The following ABTB3 variants were observed in gnomAD, a reference collection of about 807,000 sequenced individuals.
The protein encoded by ABTB3 is ankyrin repeat- and BTB/POZ domain-containing protein 3.
the ABTB3 span, chr12:107,319,520 G>T: frequency 1.3e-6 from 2 of 1,569,052 alleles, no homozygotes; most frequent in Non-Finnish European, 8.6e-7. Flanking sequence ...CATGAGCAGC[G>T]CCGGCGGCGA....
chr12:107,407,437 A>G, the ABTB3 span, among the ~76,000 whole-genome samples: 1 of 152,202 alleles, frequency 6.6e-6, no homozygotes, highest in South Asian at 2.1e-4. Context: ...AGATCCAAGA[A>G]GGCTTGGCCC....
the ABTB3 span, among the ~76,000 whole-genome samples, chr12:107,389,834 ATGTGTGTGTGTTTGTG>A: frequency 8.8e-5 from 9 of 101,968 alleles, no homozygotes; most frequent in African/African-American, 2.6e-4. Flanking sequence ...ATGCTGGGGC[ATGTGTGTGTGTTTGTG>A]TGTGTGTGTG....
the ABTB3 span, among the ~76,000 whole-genome samples, chr12:107,553,937 T>TGAGA: frequency 9.3e-5 from 14 of 151,126 alleles, no homozygotes; most frequent in East Asian, 1.6e-3. Flanking sequence ...AAGACTGTCT[T>TGAGA]GAGAGAGAGA....
chr12:107,651,898 T>C, the ABTB3 span: 2 of 884,724 alleles, frequency 2.3e-6, no homozygotes, highest in Non-Finnish European at 3.6e-6. Context: ...GCCAGTTCTC[T>C]CAGGGCTAAG....
chr12:107,428,048 G>GC, the ABTB3 span, among the ~76,000 whole-genome samples: 88 of 152,246 alleles, frequency 5.8e-4, no homozygotes, highest in Non-Finnish European at 1.2e-3. Context: ...GTCCAGCCCT[G>GC]CCAAGCCACT....
At chr12:107,464,206 AGTGTGTGTGTGTGT>A in the ABTB3 span, among the ~76,000 whole-genome samples, 3,275 of 133,556 alleles carry the variant, frequency 0.025, 72 homozygotes, top group East Asian at 0.062. Flanking sequence ...ACATGTGAAG[AGTGTGTGTGTGTGT>A]GTGTGTGTGT....
the ABTB3 span, among the ~76,000 whole-genome samples, chr12:107,568,627 C>T: frequency 6.6e-6 from 1 of 152,186 alleles, no homozygotes; most frequent in Non-Finnish European, 1.5e-5. Flanking sequence ...CTGGACAGCA[C>T]AGATACAGAA....
the ABTB3 span, among the ~76,000 whole-genome samples, chr12:107,656,936 T>C: frequency 6.6e-6 from 1 of 152,036 alleles, no homozygotes; most frequent in African/African-American, 2.4e-5. Context: ...ACGCCCGCCT[T>C]GGTGGCTGAG....
the ABTB3 span, among the ~76,000 whole-genome samples, chr12:107,556,853 A>G: frequency 6.6e-6 from 1 of 152,050 alleles, no homozygotes; most frequent in Non-Finnish European, 1.5e-5. Context: ...CTCTACTAAA[A>G]ATACAAAAAT....
chr12:107,320,022 T>TCCC, the ABTB3 span: 1 of 1,557,624 alleles, frequency 6.4e-7, no homozygotes, highest in Non-Finnish European at 8.7e-7. Context: ...GACTCGGAGA[T>TCCC]CTGGGGTCTC....
chr12:107,527,189 A>G, the ABTB3 span, among the ~76,000 whole-genome samples: 1 of 151,018 alleles, frequency 6.6e-6, no homozygotes, highest in Admixed American at 6.6e-5. Context: ...ACTTGTTACC[A>G]CCTGACATGC....
chr12:107,574,983 C>T, the ABTB3 span, among the ~76,000 whole-genome samples: 3 of 152,200 alleles, frequency 2.0e-5, no homozygotes, highest in Non-Finnish European at 2.9e-5. Context: ...ACCATCTTCC[C>T]GGCTTTGGTG....
the ABTB3 span, among the ~76,000 whole-genome samples, chr12:107,343,283 G>A: frequency 1.3e-5 from 2 of 152,106 alleles, no homozygotes; most frequent in African/African-American, 2.4e-5. Flanking sequence ...TAAAGTGTTG[G>A]GATTACAGAC....
At chr12:107,531,840 C>A in the ABTB3 span, among the ~76,000 whole-genome samples, 2 of 152,126 alleles carry the variant, frequency 1.3e-5, no homozygotes, top group South Asian at 4.1e-4. Flanking sequence ...TGCATCTCCA[C>A]ACCCTTGGGA....
At chr12:107,323,701 C>A in the ABTB3 span, among the ~76,000 whole-genome samples, 9 of 152,214 alleles carry the variant, frequency 5.9e-5, no homozygotes, top group African/African-American at 2.2e-4. Context: ...AGTTCCTACT[C>A]ATCCTTGAAG....
At chr12:107,529,179 GTGA>G in the ABTB3 span, among the ~76,000 whole-genome samples, 28,897 of 142,040 alleles carry the variant, frequency 0.2, 3,495 homozygotes, top group African/African-American at 0.24. Flanking sequence ...GATGGTGATG[GTGA>G]TGATGATGGT....
chr12:107,453,581 A>C, the ABTB3 span, among the ~76,000 whole-genome samples: 7 of 152,320 alleles, frequency 4.6e-5, no homozygotes, highest in East Asian at 1.3e-3. Context: ...GTAAGAAATA[A>C]ATGTCTGCTG....
the ABTB3 span, among the ~76,000 whole-genome samples, chr12:107,505,537 AC>A: frequency 1.3e-5 from 2 of 152,210 alleles, no homozygotes; most frequent in Admixed American, 6.5e-5. Flanking sequence ...CTTGGGGAAA[AC>A]AAAAACAAAA....
chr12:107,396,997 T>C, the ABTB3 span, among the ~76,000 whole-genome samples: 5 of 152,242 alleles, frequency 3.3e-5, no homozygotes, highest in African/African-American at 9.6e-5. Context: ...AATCCATCCA[T>C]GTGAGAGCAT....
Sources: gnomAD v4.1 joint callset for allele counts (sites outside exome capture counted in the v4.1 genomes callset) on GRCh38, gnomAD v4.1.1 for gene constraint, MANE v1.5 for transcripts, NCBI Gene and HGNC (gene_info 2026-07-23, HGNC 2026-07-21) for gene names.